ANO10: variants seen among roughly 807,000 people sequenced by gnomAD.
The protein encoded by ANO10 is anoctamin-10.
In ANO10, 77 loss-of-function variants were observed where a neutral mutation model predicts 74.7. The ratio of observed to expected loss-of-function variants is 1.03; its 90% CI spans 0.86 to 1.25. The LOEUF (loss-of-function observed/expected upper bound fraction) is 1.25, where lower values mean the gene tolerates loss of function less well. ANO10 is among the 50% of genes most tolerant of loss of function. The pLI is 0.00. For missense variants in ANO10, 721 were observed against 778.1 expected (o/e 0.93, Z 0.87); for synonymous variants, 279 against 284.9 (o/e 0.98, Z 0.21).
intron 7 of ANO10, 130 bp downstream of exon 7, chr3:43,574,679 A>G: frequency 1.3e-6 from 1 of 747,066 alleles, no homozygotes; most frequent in South Asian, 1.6e-5. Context: ...TTATTAATCA[A>G]TCCTTGCCTA....
chr3:43,598,573 G>C lies in ANO10; in HGVS notation c.431C>G (p.Pro144Arg), dbSNP rs148079312. The stretch of plus-strand genomic sequence containing the variant: ...ATACAACTTTGCCTGAGGGTAACCA[G>C]GGATCATTTTTTCATCTTTAGCTCT... ...NLRAKDEKMIPGYPQAKLYPG... is the reference protein window; with the variant it reads ...NLRAKDEKMIRGYPQAKLYPG... The change falls in exon 4 of 13, where the codon CCT becomes CGT. Residue 144 changes from proline to arginine, a missense_variant. Pro to Arg is a moderately radical substitution (Grantham distance 103). Transcript: ENST00000292246. 6.2e-6 allele frequency: 10 copies of C among 1,612,950 alleles called. No homozygotes were observed. In the African/African-American group the frequency reaches 1.2e-4, roughly 19 times the overall value.
intron 12 of ANO10, among the ~76,000 whole-genome samples, chr3:43,402,943 T>C (rs751358651): frequency 6.6e-6 from 1 of 152,220 alleles, no homozygotes; most frequent in Non-Finnish European, 1.5e-5. Context: ...GGAAGCATCA[T>C]GCTGTGGCTG....
intron 11 of ANO10, among the ~76,000 whole-genome samples, chr3:43,463,246 GA>G (rs1348282245): frequency 3.3e-5 from 5 of 152,222 alleles, no homozygotes. Context: ...ACCAGCCCCT[GA>G]AAGCAGCCAG....
intron 1 of ANO10, among the ~76,000 whole-genome samples, chr3:43,648,674 T>C (rs1340604105): frequency 4.9e-5 from 5 of 101,884 alleles, no homozygotes; most frequent in African/African-American, 2.6e-4. Context: ...TTTAGCCCGC[T>C]TTTTTTTTTT....
At chr3:43,562,841 C>T (rs1275685288) in intron 8 of ANO10, among the ~76,000 whole-genome samples, 1 of 151,998 alleles carries the variant, frequency 6.6e-6, no homozygotes, top group Non-Finnish European at 1.5e-5. Context: ...AACATAAGAC[C>T]CAAAACTATA....
At chr3:43,582,957 T>C (rs1398398262) in intron 4 of ANO10, among the ~76,000 whole-genome samples, 4 of 152,256 alleles carry the variant, frequency 2.6e-5, no homozygotes, top group Admixed American at 2.6e-4. Flanking sequence ...TCCTTCTTCC[T>C]ATCACTACTC....
chr3:43,490,386 T>C (rs1344580885), intron 11 of ANO10, among the ~76,000 whole-genome samples: 1 of 152,120 alleles, frequency 6.6e-6, no homozygotes, highest in African/African-American at 2.4e-5. Flanking sequence ...AGCAAAACAA[T>C]GAGATAACCA....
At chr3:43,455,955 C>T (rs932657009) in intron 11 of ANO10, among the ~76,000 whole-genome samples, 2 of 152,156 alleles carry the variant, frequency 1.3e-5, no homozygotes, top group Admixed American at 1.3e-4. Flanking sequence ...GGAGCAAAGA[C>T]TTGCGTTAAC....
Position 43,678,249 on chromosome 3 carries a change from G to A in ANO10, c.-12+13268C>T, listed in dbSNP as rs2084148203. On this transcript the variant is annotated intron_variant, in intron 1 of 3. Transcript: ENST00000413397. ...ATGCAGTAAGAGTAAAAAACAGAATGGCTGTATGGGCATTCGAACGGTTTC... is the reference window on the plus strand; with the variant it reads ...ATGCAGTAAGAGTAAAAAACAGAATAGCTGTATGGGCATTCGAACGGTTTC... Among the ~76,000 whole-genome samples, 2 of 152,122 alleles carry A rather than the reference G, an allele frequency of 1.3e-5. 1 individual carries two copies. The highest frequency in any genetic ancestry group is 4.1e-4 in the South Asian group (2 of 4,828).
At chr3:43,603,659 C>T (rs575643322) in intron 2 of ANO10, among the ~76,000 whole-genome samples, 5 of 152,186 alleles carry the variant, frequency 3.3e-5, no homozygotes, top group East Asian at 1.9e-4. Flanking sequence ...TACATGTTCA[C>T]GTTTAAGAAA....
chr3:43,495,867 C>T lies in ANO10; in HGVS notation c.1797+53853G>A, dbSNP rs866601639. Among the ~76,000 whole-genome samples the T allele has an allele frequency of 1.8e-4, 27 of 151,978 alleles. 1 individual carries two copies. Among genetic ancestry groups the T allele is most frequent in the East Asian group, 7.8e-4 (4 of 5,160 alleles). On this transcript the variant is annotated intron_variant, in intron 11 of 12. Transcript: ENST00000292246. ...GGTGCCTGCCACCACACCTAGCTAA[C>T]TTTTTTTGTATTTTTAGTAGAGACG...
intron 10 of ANO10, among the ~76,000 whole-genome samples, chr3:43,551,783 ATC>A (rs2079474520): frequency 6.6e-6 from 1 of 152,182 alleles, no homozygotes; most frequent in South Asian, 2.1e-4. Context: ...TTCCATATAT[ATC>A]TTTTTCTATT....
At chr3:43,484,241 A>G (rs2076380208) in intron 11 of ANO10, among the ~76,000 whole-genome samples, 1 of 152,138 alleles carries the variant, frequency 6.6e-6, no homozygotes, top group Admixed American at 6.5e-5. Flanking sequence ...AGCCTCCTAA[A>G]GTGCTGGGAT....
At chr3:43,539,055 C>T (rs1167097376) in intron 11 of ANO10, among the ~76,000 whole-genome samples, 1 of 151,926 alleles carries the variant, frequency 6.6e-6, no homozygotes, top group South Asian at 2.1e-4. Flanking sequence ...ACCTTAGAGC[C>T]CTCCATCAGT....
At chr3:43,625,947 T>C (rs993856808), upstream of ANO10, among the ~76,000 whole-genome samples, 3 of 152,074 alleles carry the variant, frequency 2.0e-5, no homozygotes, top group Non-Finnish European at 4.4e-5. Context: ...TTACTTTTTT[T>C]TTTTTTTAAC....
intron 11 of ANO10, among the ~76,000 whole-genome samples, chr3:43,543,002 G>C (rs1457112980): frequency 2.0e-5 from 3 of 152,182 alleles, no homozygotes; most frequent in Non-Finnish European, 4.4e-5. Flanking sequence ...TGCAAGGGAG[G>C]CTGCACTGGC....
chr3:43,417,524 G>A (rs1227594825), intron 12 of ANO10, among the ~76,000 whole-genome samples: 13 of 152,108 alleles, frequency 8.5e-5, no homozygotes, highest in Admixed American at 6.6e-4. Flanking sequence ...ACTAGAGAGA[G>A]AGCTGTTTTC....
At chr3:43,605,494 T>C (rs2082518106) in intron 2 of ANO10, among the ~76,000 whole-genome samples, 1 of 152,192 alleles carries the variant, frequency 6.6e-6, no homozygotes, top group South Asian at 2.1e-4. Context: ...TGCTTTCAGT[T>C]TAATGGGAAC....
At position 43,690,879 on chromosome 3, in the gene ANO10, A is replaced by G. The variant is rs74845403; in HGVS notation, c.-12+638T>C. 72,396 of 1,189,234 alleles carry G rather than the reference A, an allele frequency of 0.061. 3,382 individuals are homozygous for G. Among genetic ancestry groups the G allele is most frequent in the South Asian group, 0.19 (10,313 of 54,600 alleles). The allele number at this position is 1,189,234 out of a possible 1,614,324, so 73.7% of individuals were successfully genotyped here. A position where few individuals can be genotyped will look rare whatever the true frequency, so the allele number is the denominator to read the frequency against. On this transcript the variant is annotated intron_variant, in intron 1 of 3. Coordinates refer to the ANO10 transcript ENST00000413397. ...GCCGCCGGGCCGTGCTAGTGCGCGG[A>G]AGACGCATGCGCTGGCGGCCTGCGC...
Sources: gnomAD v4.1 joint callset for allele counts (sites outside exome capture counted in the v4.1 genomes callset) on GRCh38, gnomAD v4.1.1 for gene constraint, MANE v1.5 for transcripts, NCBI Gene and HGNC (gene_info 2026-07-23, HGNC 2026-07-21) for gene names.